Variants in SKI observed in about 807,000 individuals in gnomAD.
SKI encodes ski oncogene.
Under a neutral mutation model 59.3 loss-of-function variants are expected in SKI, and 23 were observed. The observed-to-expected ratio is 0.39, with a 90% CI of 0.28 to 0.55. The LOEUF (loss-of-function observed/expected upper bound fraction) is 0.55. Among genes scored for constraint, SKI ranks in the 20% least tolerant of loss-of-function variants. The pLI, the probability that SKI is intolerant of heterozygous loss-of-function variation, is 0.67. For missense variants in SKI, 1,017 were observed against 1,038.9 expected (o/e 0.98, Z 0.29); for synonymous variants, 673 against 488.6 (o/e 1.38, Z -4.98).
In SKI at chr1:2,306,057, T is replaced by C; in HGVS notation, c.1805T>C (p.Leu602Pro). ...EFLRVAKKEK[L>P]REATEAKRNL... ...CTACGCGTGGCCAAGAAGGAGAAGC[T>C]GCGGGAGGCCACGGAGGCCAAGCGT... The change falls in exon 6 of 7, where the codon CTG becomes CCG. Residue 602 changes from leucine (L) to proline (P), a missense_variant. Coordinates refer to ENST00000378536, the MANE Select transcript of SKI (RefSeq NM_003036.4). 1 of 1,598,954 alleles carries C rather than the reference T, an allele frequency of 6.3e-7. No homozygotes were observed. The highest frequency in any genetic ancestry group is 8.5e-7 in the Non-Finnish European group (1 of 1,174,520).
At chr1:2,238,907 G>T (rs1395035765) in intron 1 of SKI, among the ~76,000 whole-genome samples, 1 of 152,192 alleles carries the variant, frequency 6.6e-6, no homozygotes, top group Admixed American at 6.5e-5. Context: ...AGCTGGTGTG[G>T]CGTCTGTGAG....
In SKI at chr1:2,267,789, C is replaced by T. The variant is rs1433212166; in HGVS notation, c.970-35189C>T. On this transcript the variant is annotated intron_variant, in intron 1 of 6. Coordinates refer to ENST00000378536, the MANE Select transcript of SKI (RefSeq NM_003036.4). This position sits in a 1 kb window ranked among gnomAD's most constrained non-coding sequence, Gnocchi z 4.1. ...TCTACTTCCAGACTGTCCCAGGACA[C>T]GGGTCCACGGTCACACGGTCTCCAA... is the stretch of plus-strand genomic sequence containing the variant. 6.6e-6 allele frequency among the ~76,000 whole-genome samples: 1 copy of T among 152,198 alleles called. No homozygotes were observed. The highest frequency in any genetic ancestry group is 6.5e-5 in the Admixed American group (1 of 15,290).
chr1:2,231,496 TTC>T (rs1220988795), intron 1 of SKI, among the ~76,000 whole-genome samples: 7 of 152,184 alleles, frequency 4.6e-5, no homozygotes, highest in Non-Finnish European at 8.8e-5. Context: ...GCCACCCGGC[TTC>T]TCTCTCCCTG....
Position 2,303,230 on chromosome 1 carries a change from A to ATGAAG in SKI, c.1096-52_1096-48dup, listed in dbSNP as rs1640471675. On this transcript the variant is annotated intron_variant, in intron 2 of 6. Coordinates refer to ENST00000378536, the MANE Select transcript of SKI (RefSeq NM_003036.4). The surrounding 1 kb of genome is among the most constrained non-coding windows in gnomAD (Gnocchi z 5.6). ...TGGCACCCGGCGCAGCCTCAGGGAC[A>ATGAAG]TGAAGTGGCTTGTTTTTCTCCTGGT... 2.5e-6 allele frequency: 4 copies of ATGAAG among 1,603,746 alleles called. No individual in the cohort carries two copies. The highest frequency in any genetic ancestry group is 3.4e-6 in the Non-Finnish European group (4 of 1,172,240).
intron 1 of SKI, among the ~76,000 whole-genome samples, chr1:2,292,504 G>T (rs938950422): frequency 6.6e-6 from 1 of 152,156 alleles, no homozygotes; most frequent in African/African-American, 2.4e-5. Flanking sequence ...ACCCCACCTC[G>T]AGAGCTCCTC....
In SKI at chr1:2,308,604, GTTTT is replaced by G. The variant is rs113293239; in HGVS notation, c.*1846_*1849del. 6.7e-6 allele frequency: 1 copy of G among 148,828 alleles called. No homozygotes were observed. The highest frequency in any genetic ancestry group is 2.5e-5 in the African/African-American group (1 of 40,436). The allele number at this position is 148,828 out of a possible 1,614,324, so 9.2% of individuals were successfully genotyped here. On this transcript the variant is annotated 3_prime_UTR_variant, in exon 7 of 7. Transcript: ENST00000378536. Reference sequence around the variant, plus strand: ...TTTTTAGCCTTGTTTTACCAGAGTTGTTTTTTTTTTCAGTTATTTCTTCAAGGGA... The same window carrying G: ...TTTTTAGCCTTGTTTTACCAGAGTTGTTTTTTCAGTTATTTCTTCAAGGGA...
intron 1 of SKI, among the ~76,000 whole-genome samples, chr1:2,255,152 TC>T (rs952767944): frequency 1.3e-5 from 2 of 152,148 alleles, no homozygotes; most frequent in African/African-American, 2.4e-5. Flanking sequence ...AGTGTCCCCA[TC>T]CTGTCCTCCC....
rs1348560555 is a variant in SKI, at chr1:2,299,011, G to T, written c.970-3967G>T. The stretch of plus-strand genomic sequence containing the variant: ...AGCCCTGGGTGGGTGGATGCCGGGT[G>T]GTCGTGGAGGTTCACAGCAGGCTCT... On this transcript the variant is annotated intron_variant, in intron 1 of 6. Transcript: ENST00000378536. 2.0e-5 allele frequency among the ~76,000 whole-genome samples: 3 copies of T among 152,240 alleles called. No homozygotes were observed. The East Asian group carries it at 5.8e-4, about 29-fold the overall frequency.
At position 2,268,915 on chromosome 1, in the gene SKI, T is replaced by TTCCC. The variant is rs373613462; in HGVS notation, c.970-34052_970-34049dup. On this transcript the variant is annotated intron_variant, in intron 1 of 6. Transcript: ENST00000378536. This position sits in a 1 kb window ranked among gnomAD's most constrained non-coding sequence, Gnocchi z 5.0. ...CCCCCCTTCCATGTCCATTTCCCTT[T>TTCCC]TCCCTCCCTCCCTCTCTTTCCTTCT... Among the ~76,000 whole-genome samples, 272 of 151,122 alleles carry TTCCC rather than the reference T, an allele frequency of 1.8e-3. 1 individual carries two copies. Among genetic ancestry groups the TTCCC allele is most frequent in the African/African-American group, 6.4e-3 (264 of 41,270 alleles).
intron 1 of SKI, among the ~76,000 whole-genome samples, chr1:2,293,694 G>A (rs1487005270): frequency 6.6e-6 from 1 of 152,164 alleles, no homozygotes; most frequent in Non-Finnish European, 1.5e-5. Flanking sequence ...CTGTTCTTGG[G>A]CACTGCGTTG....
intron 1 of SKI, among the ~76,000 whole-genome samples, chr1:2,300,919 C>T (rs1640408898): frequency 6.6e-6 from 1 of 152,182 alleles, no homozygotes; most frequent in African/African-American, 2.4e-5. Context: ...GCCACCTCCA[C>T]GGGGCGGCTG....
chr1:2,242,898 G>T (rs1638910763), intron 1 of SKI, among the ~76,000 whole-genome samples: 1 of 152,254 alleles, frequency 6.6e-6, no homozygotes, highest in African/African-American at 2.4e-5. Context: ...TTCTGTGGCT[G>T]TGTTCTCTGT....
intron 1 of SKI, among the ~76,000 whole-genome samples, chr1:2,286,294 G>A (rs1640038959): frequency 6.6e-6 from 1 of 152,070 alleles, no homozygotes; most frequent in Non-Finnish European, 1.5e-5. Flanking sequence ...TTGAGCCCAG[G>A]AGACCAGCCT....
At chr1:2,257,542 T>C (rs1639299520) in intron 1 of SKI, among the ~76,000 whole-genome samples, 1 of 152,182 alleles carries the variant, frequency 6.6e-6, no homozygotes, top group Admixed American at 6.6e-5. Context: ...CTATGTGTGC[T>C]TGAGCTCGAG....
In SKI at chr1:2,304,067, C is replaced by T. The variant is rs367916348; in HGVS notation, c.1439C>T (p.Ser480Leu). The T allele has an allele frequency of 9.3e-6, 15 of 1,612,298 alleles. No individual in the cohort carries two copies. Among genetic ancestry groups the T allele is most frequent in the Admixed American group, 3.3e-5 (2 of 59,984 alleles). ...GCTGCCCCAGAGGAGGACAAGGACT[C>T]GGAGGCGGAGGTGGAAGTTGAAAGC... ...PVAAPEEDKD[S>L]EAEVEVESRE... The change falls in exon 4 of 7, where the codon TCG becomes TTG. Residue 480 changes from serine to leucine, a missense_variant. Ser to Leu is a moderately radical substitution (Grantham distance 145). Transcript: ENST00000378536.
chr1:2,265,009 T>C (rs984915284), intron 1 of SKI, among the ~76,000 whole-genome samples: 4 of 151,988 alleles, frequency 2.6e-5, no homozygotes, highest in Non-Finnish European at 5.9e-5. Flanking sequence ...ACGGGGTTTC[T>C]CCGTGTTGGC....
intron 1 of SKI, among the ~76,000 whole-genome samples, chr1:2,299,292 G>A (rs1640364805): frequency 6.6e-6 from 1 of 152,182 alleles, no homozygotes; most frequent in Non-Finnish European, 1.5e-5. Context: ...AGCAGCTTGT[G>A]CCCATGTCCT....
intron 1 of SKI, among the ~76,000 whole-genome samples, chr1:2,239,756 A>G (rs1394741989): frequency 2.0e-5 from 3 of 152,208 alleles, no homozygotes; most frequent in Non-Finnish European, 2.9e-5. Context: ...GGCTTCTCAG[A>G]GCAGCTTTCA....
chr1:2,279,320 T>A (rs985224777), intron 1 of SKI, among the ~76,000 whole-genome samples: 1 of 152,206 alleles, frequency 6.6e-6, no homozygotes, highest in Non-Finnish European at 1.5e-5. Flanking sequence ...GAGACCACCC[T>A]CTGATGACGG....
Sources: gnomAD v4.1 joint callset for allele counts (sites outside exome capture counted in the v4.1 genomes callset) on GRCh38, gnomAD v4.1.1 for gene constraint, Gnocchi (gnomAD v3.1) non-coding constraint, MANE v1.5 for transcripts, NCBI Gene and HGNC (gene_info 2026-07-23, HGNC 2026-07-21) for gene names.